Variants in PPP3CC observed in about 807,000 individuals in gnomAD.
PPP3CC encodes serine/threonine-protein phosphatase 2B catalytic subunit gamma isoform.
A neutral mutation model predicts 60.3 loss-of-function variants in PPP3CC; 35 were observed. The ratio of observed to expected loss-of-function variants is 0.58; its 90% CI spans 0.44 to 0.77. The LOEUF (loss-of-function observed/expected upper bound fraction) is 0.77, where lower values mean the gene tolerates loss of function less well. Among genes scored for constraint, PPP3CC ranks in the 30% least tolerant of loss-of-function variants. PPP3CC has a pLI of 0.00. For synonymous variants in PPP3CC, 206 were observed against 224.3 expected (o/e 0.92, Z 0.73); for missense variants, 570 against 628.9 (o/e 0.91, Z 1.00).
chr8:22,535,287 C>T (rs1411231751), intron 12 of PPP3CC, among the ~76,000 whole-genome samples: 3 of 151,902 alleles, frequency 2.0e-5, no homozygotes, highest in African/African-American at 4.8e-5. Flanking sequence ...TCTGGAATCC[C>T]GGAATGAAAA....
At chr8:22,505,678 A>G (rs1385677272) in intron 4 of PPP3CC, among the ~76,000 whole-genome samples, 3 of 152,226 alleles carry the variant, frequency 2.0e-5, no homozygotes, top group Non-Finnish European at 2.9e-5. Flanking sequence ...TTTATTTAAT[A>G]TAAGTTCTAC....
intron 1 of PPP3CC, among the ~76,000 whole-genome samples, chr8:22,466,271 A>G (rs972253498): frequency 6.6e-6 from 1 of 152,150 alleles, no homozygotes; most frequent in Admixed American, 6.5e-5. Flanking sequence ...AGTCTTTGCT[A>G]TTGTGAGCAG....
At chr8:22,494,243 T>C (rs1446588670) in intron 3 of PPP3CC, among the ~76,000 whole-genome samples, 1 of 152,092 alleles carries the variant, frequency 6.6e-6, no homozygotes, top group Admixed American at 6.5e-5. Context: ...GGCCTCAGAA[T>C]CATGGCAGGA....
chr8:22,471,195 G>T (rs1429361975), intron 1 of PPP3CC, among the ~76,000 whole-genome samples: 2 of 151,764 alleles, frequency 1.3e-5, no homozygotes, highest in Non-Finnish European at 2.9e-5. Context: ...AGAGCTTGTT[G>T]CACAGATGGC....
chr8:22,484,026 T>C (rs1000728456), intron 3 of PPP3CC, among the ~76,000 whole-genome samples: 1 of 151,842 alleles, frequency 6.6e-6, no homozygotes, highest in Non-Finnish European at 1.5e-5. Flanking sequence ...TTTTTTAATT[T>C]TTTTAGAGTT....
intron 4 of PPP3CC, among the ~76,000 whole-genome samples, chr8:22,510,052 C>T (rs558714138): frequency 6.6e-6 from 1 of 151,656 alleles, no homozygotes; most frequent in South Asian, 2.1e-4. Context: ...GGCGTGGTGG[C>T]GTGTGCCTGT....
intron 4 of PPP3CC, among the ~76,000 whole-genome samples, chr8:22,509,738 G>A (rs935919454): frequency 6.6e-6 from 1 of 152,158 alleles, no homozygotes; most frequent in Admixed American, 6.5e-5. Flanking sequence ...GGCTCACTCT[G>A]TTGCTCAGGC....
rs760416281 is a variant in PPP3CC, at chr8:22,528,497, C to T, written c.1070-9C>T. 6.6e-7 allele frequency: 1 copy of T among 1,510,710 alleles called. No individual in the cohort carries two copies. The highest frequency in any genetic ancestry group is 1.4e-5 in the South Asian group (1 of 70,040). The allele number at this position is 1,510,710 out of a possible 1,614,324, so 93.6% of individuals were successfully genotyped here. On this transcript the variant is annotated splice_polypyrimidine_tract_variant and intron_variant, in intron 9 of 13. Transcript: ENST00000240139. ...TCGCGTAAATTTTGGATTATTTTGTCTTACTTAGTCACAGAGATGCTGGTA... is the reference window on the plus strand; with the variant it reads ...TCGCGTAAATTTTGGATTATTTTGTTTTACTTAGTCACAGAGATGCTGGTA...
chr8:22,470,063 C>T (rs923711837), intron 1 of PPP3CC, among the ~76,000 whole-genome samples: 19 of 148,592 alleles, frequency 1.3e-4, no homozygotes, highest in East Asian at 5.9e-4. Context: ...TATATATACA[C>T]ACACACACAC....
rs1839047607 is a variant in PPP3CC, at chr8:22,510,247, AAGCAATCCCCCGACCTC to A, written c.485-835_485-819del. 2.0e-5 allele frequency among the ~76,000 whole-genome samples: 3 copies of A among 151,544 alleles called. No individual in the cohort carries two copies. The South Asian group carries it at 6.3e-4, about 32-fold the overall frequency. On this transcript the variant is annotated intron_variant, in intron 4 of 13. Coordinates refer to ENST00000240139, the MANE Select transcript of PPP3CC (RefSeq NM_005605.5). The stretch of plus-strand genomic sequence containing the variant: ...AGGCTGGTCTCAAACTCCTGGCCTC[AAGCAATCCCCCGACCTC>A]AGCCTTCCAAAACATTGGGATTACA...
At chr8:22,510,043 G>T (rs1839038958) in intron 4 of PPP3CC, among the ~76,000 whole-genome samples, 1 of 152,074 alleles carries the variant, frequency 6.6e-6, no homozygotes, top group African/African-American at 2.4e-5. Flanking sequence ...AATTAGCCGG[G>T]CGTGGTGGCG....
At chr8:22,468,671 T>G (rs1392815369) in intron 1 of PPP3CC, among the ~76,000 whole-genome samples, 1 of 152,222 alleles carries the variant, frequency 6.6e-6, no homozygotes, top group East Asian at 1.9e-4. Flanking sequence ...GATTTTCTCA[T>G]TTGGTAATAA....
intron 1 of PPP3CC, among the ~76,000 whole-genome samples, chr8:22,458,936 CAAATT>C (rs1212490246): frequency 4.6e-5 from 7 of 152,082 alleles, no homozygotes; most frequent in Non-Finnish European, 1.0e-4. Context: ...GCTTTTAAAT[CAAATT>C]AAGGAAGTCA....
intron 4 of PPP3CC, among the ~76,000 whole-genome samples, chr8:22,507,915 T>C (rs1171401153): frequency 1.3e-5 from 2 of 152,160 alleles, no homozygotes; most frequent in Middle Eastern, 3.2e-3. Flanking sequence ...CTTAACTCAC[T>C]GACAGACACA....
chr8:22,490,406 G>A (rs1838365346), intron 3 of PPP3CC, among the ~76,000 whole-genome samples: 3 of 152,058 alleles, frequency 2.0e-5, no homozygotes, highest in Admixed American at 2.0e-4. Context: ...CACTGTTGTA[G>A]TGCTATTTAT....
rs553942163 is a variant in PPP3CC at position 22,496,685 on chromosome 8, C to T, written c.373-1316C>T. Among the ~76,000 whole-genome samples the T allele has an allele frequency of 6.6e-5, 10 of 150,828 alleles. No individual in the cohort carries two copies. In the East Asian group the frequency reaches 1.4e-3, roughly 21 times the overall value. ...GCTAATTTTTGTATTTTTAGTGAGA[C>T]GGGGTTTCACCATATTGGCCAGGCT... On this transcript the variant is annotated intron_variant, in intron 3 of 13. Coordinates refer to ENST00000240139, the MANE Select transcript of PPP3CC (RefSeq NM_005605.5).
chr8:22,468,597 C>G (rs886932827), intron 1 of PPP3CC, among the ~76,000 whole-genome samples: 10 of 150,978 alleles, frequency 6.6e-5, no homozygotes, highest in Non-Finnish European at 8.8e-5. Flanking sequence ...TAATAGGCAT[C>G]TCAAATTATT....
At chr8:22,486,740 T>G (rs1838236076) in intron 3 of PPP3CC, among the ~76,000 whole-genome samples, 1 of 151,462 alleles carries the variant, frequency 6.6e-6, no homozygotes, top group African/African-American at 2.4e-5. Flanking sequence ...TTGTTTTTTT[T>G]TTTTTTTGGG....
intron 1 of PPP3CC, among the ~76,000 whole-genome samples, chr8:22,465,322 A>C (rs145470631): frequency 6.6e-6 from 1 of 152,280 alleles, no homozygotes; most frequent in East Asian, 1.9e-4. Context: ...TATGATCCCC[A>C]GAAAGCATAT....
Sources: allele counts gnomAD v4.1 joint callset (sites outside exome capture counted in the v4.1 genomes callset), GRCh38; gene constraint gnomAD v4.1.1; transcripts MANE v1.5; gene names NCBI Gene and HGNC (gene_info 2026-07-23, HGNC 2026-07-21).